The following BLK variants were observed in gnomAD, a reference collection of about 807,000 sequenced individuals.
BLK encodes the protein tyrosine-protein kinase Blk.
In BLK, 64 loss-of-function variants were observed where a neutral mutation model predicts 61.8. That is an observed-to-expected ratio of 1.03 (90% CI 0.85 to 1.27). BLK has a LOEUF of 1.27. Ranked by LOEUF, BLK falls within the 50% of genes most tolerant of loss-of-function variation. The pLI is 0.00. For synonymous variants in BLK, 351 were observed against 272.0 expected, an observed-to-expected ratio of 1.29 and a Z score of -2.86; for missense variants, 853 against 660.5, an observed-to-expected ratio of 1.29 and a Z score of -3.19.
chr8:11,560,993 TC>T (rs780599130), intron 10 of BLK: 5 of 566,110 alleles, frequency 8.8e-6, no homozygotes, highest in Middle Eastern at 2.7e-4. Context: ...CCTCTCCTTT[TC>T]TCCTGCCTGT....
At chr8:11,559,900 C>G (rs1801411259) in intron 10 of BLK, 1 of 454,396 alleles carries the variant, frequency 2.2e-6, no homozygotes. Flanking sequence ...AAGCACTGTT[C>G]TTGCTCAGCA....
At position 11,549,199 on chromosome 8, in the gene BLK, G is replaced by A. The variant is rs775380451; in HGVS notation, c.368+77G>A. ...CTCCCTGGGCTGTTAGGCAGGGCAG[G>A]GCCAGAGTGGGACTGACCAGGGAGC... On this transcript the variant is annotated intron_variant, in intron 5 of 12. Transcript: ENST00000259089. 52 of 1,335,422 alleles carry A rather than the reference G, an allele frequency of 3.9e-5. No homozygotes were observed. In the Admixed American group the frequency reaches 7.5e-4, roughly 19 times the overall value. 82.7% of individuals were successfully genotyped at this position (1,335,422 alleles called of 1,614,324 possible). A position where few individuals can be genotyped will look rare whatever the true frequency, so the allele number is the denominator to read the frequency against.
intron 1 of BLK, among the ~76,000 whole-genome samples, chr8:11,522,361 G>A (rs185409655): frequency 6.6e-6 from 1 of 152,194 alleles, no homozygotes; most frequent in East Asian, 1.9e-4. Context: ...TTGACAATAC[G>A]AGTTTTGGTG....
Position 11,564,366 on chromosome 8 carries a change from G to C in BLK, c.*258G>C. The C allele has an allele frequency of 1.5e-6, 1 of 686,972 alleles. No homozygotes were observed. The highest frequency in any genetic ancestry group is 2.7e-6 in the Non-Finnish European group (1 of 375,494). 42.6% of individuals were successfully genotyped at this position (686,972 alleles called of 1,614,324 possible). On this transcript the variant is annotated 3_prime_UTR_variant, in exon 13 of 13. Transcript: ENST00000259089. ...CAGTGACCTCGCACGGTCATCCGGAGTACTAAGCCCCAGTAAGGTGTTCAG... is the reference window on the plus strand; with the variant it reads ...CAGTGACCTCGCACGGTCATCCGGACTACTAAGCCCCAGTAAGGTGTTCAG...
intron 1 of BLK, among the ~76,000 whole-genome samples, chr8:11,508,312 G>A (rs1411809847): frequency 6.6e-6 from 1 of 152,152 alleles, no homozygotes; most frequent in South Asian, 2.1e-4. Context: ...TAGATCAAGA[G>A]CCAAGAACGG....
At chr8:11,558,089 C>T in intron 10 of BLK, 51 bp downstream of exon 10, 3 of 1,556,298 alleles carry the variant, frequency 1.9e-6, no homozygotes, top group South Asian at 1.1e-5. Context: ...CACCTGCTGC[C>T]CACAATGGCT....
intron 1 of BLK, among the ~76,000 whole-genome samples, chr8:11,542,919 C>T (rs1198180328): frequency 2.6e-5 from 4 of 152,322 alleles, no homozygotes; most frequent in South Asian, 2.1e-4. Context: ...CGTGGCCTCC[C>T]GCTCAGGCTC....
intron 1 of BLK, among the ~76,000 whole-genome samples, chr8:11,501,508 C>T (rs895360808): frequency 4.6e-5 from 7 of 151,928 alleles, no homozygotes; most frequent in Non-Finnish European, 8.8e-5. Flanking sequence ...AAGAGCATGG[C>T]GTCCTGGTAA....
intron 8 of BLK, 170 bp from the exon 9 acceptor site, chr8:11,556,488 C>A: frequency 2.6e-6 from 2 of 775,116 alleles, no homozygotes; most frequent in South Asian, 1.5e-5. Context: ...ATAGAAGGGA[C>A]CTGGAACGCA....
chr8:11,546,220 G>C (rs747699180), intron 3 of BLK, 117 bp downstream of exon 3: 1 of 1,295,706 alleles, frequency 7.7e-7, no homozygotes, highest in Non-Finnish European at 1.1e-6. Flanking sequence ...AAGAGAAAAC[G>C]GGGAAGCTGA....
chr8:11,501,436 C>G (rs139728789), intron 1 of BLK, among the ~76,000 whole-genome samples: 6 of 151,200 alleles, frequency 4.0e-5, no homozygotes, highest in African/African-American at 1.2e-4. Flanking sequence ...ATCTGATGGG[C>G]TCTCTGGCAC....
chr8:11,542,553 G>A (rs1800430286), intron 1 of BLK, among the ~76,000 whole-genome samples: 2 of 152,176 alleles, frequency 1.3e-5, no homozygotes, highest in African/African-American at 4.8e-5. Context: ...GTGACAACAT[G>A]GTGGTGTTGA....
intron 1 of BLK, among the ~76,000 whole-genome samples, chr8:11,505,807 C>T (rs1031511531): frequency 1.9e-4 from 29 of 152,206 alleles, no homozygotes; most frequent in Admixed American, 1.4e-3. Context: ...TCTCCAAGCA[C>T]GCTGGGCCCA....
intron 8 of BLK, 74 bp downstream of exon 8, chr8:11,555,558 T>G (rs1801168912): frequency 6.2e-7 from 1 of 1,601,504 alleles, no homozygotes; most frequent in South Asian, 1.1e-5. Context: ...AGGTTCAGCA[T>G]TTTCATAGCG....
chr8:11,536,151 T>C (rs900626091), intron 1 of BLK, among the ~76,000 whole-genome samples: 2 of 152,240 alleles, frequency 1.3e-5, no homozygotes, highest in Non-Finnish European at 2.9e-5. Flanking sequence ...TTTTGTTAGA[T>C]GTGATGAAGT....
chr8:11,552,255 T>A (rs1018774265), intron 6 of BLK, among the ~76,000 whole-genome samples: 7 of 152,182 alleles, frequency 4.6e-5, no homozygotes, highest in African/African-American at 1.4e-4. Flanking sequence ...GGGGACATCA[T>A]GAGGCCTTGG....
At chr8:11,526,037 T>C (rs1159014672) in intron 1 of BLK, among the ~76,000 whole-genome samples, 1 of 152,228 alleles carries the variant, frequency 6.6e-6, no homozygotes, top group Non-Finnish European at 1.5e-5. Context: ...CCTCCCAAAG[T>C]GCTGGGATTA....
chr8:11,553,547 GC>G (rs1801020632), intron 6 of BLK: 1 of 230,514 alleles, frequency 4.3e-6, no homozygotes, highest in Non-Finnish European at 8.9e-6. Context: ...GGGCTCCTGG[GC>G]TCATCGCCCG....
intron 1 of BLK, among the ~76,000 whole-genome samples, chr8:11,498,833 T>A (rs1798454199): frequency 6.6e-6 from 1 of 152,160 alleles, no homozygotes; most frequent in South Asian, 2.1e-4. Flanking sequence ...AAGCCCTAAT[T>A]TTTAGGTGAG....
Sources: allele counts gnomAD v4.1 joint callset (sites outside exome capture counted in the v4.1 genomes callset), GRCh38; gene constraint gnomAD v4.1.1; transcripts MANE v1.5; gene names NCBI Gene and HGNC (gene_info 2026-07-23, HGNC 2026-07-21).